KAZN: variants seen among roughly 807,000 people sequenced by gnomAD.
The protein encoded by KAZN is kazrin.
In KAZN, 40 loss-of-function variants were observed where a neutral mutation model predicts 87.4. The ratio of observed to expected loss-of-function variants is 0.46; its 90% confidence interval spans 0.36 to 0.60. The LOEUF is 0.60. KAZN is among the 20% of genes least tolerant of loss of function. The pLI is 0.00. For synonymous variants in KAZN, 466 were observed against 458.3 expected (o/e 1.02, Z -0.22); for missense variants, 898 against 1,073.9 (o/e 0.84, Z 2.29).
At chr1:15,050,159 G>GATAGATAGAATA (rs201481507) in intron 4 of KAZN, among the ~76,000 whole-genome samples, 5,898 of 131,304 alleles carry the variant, frequency 0.045, 241 homozygotes, top group African/African-American at 0.091. Context: ...AGAATAGAAT[G>GATAGATAGAATA]GAATAGAATA....
intron 2 of KAZN, among the ~76,000 whole-genome samples, chr1:14,370,465 C>T (rs1660388243): frequency 6.6e-6 from 1 of 152,184 alleles, no homozygotes. Flanking sequence ...GAACCTCTGC[C>T]ATGGAAGACC....
intron 2 of KAZN, among the ~76,000 whole-genome samples, chr1:14,419,778 C>T (rs1009059776): frequency 1.3e-5 from 2 of 151,908 alleles, no homozygotes; most frequent in Non-Finnish European, 2.9e-5. Flanking sequence ...GTTTGTCCCT[C>T]CCATCCGGAG....
At chr1:14,307,714 A>G (rs111502167) in intron 2 of KAZN, among the ~76,000 whole-genome samples, 2,933 of 152,282 alleles carry the variant, frequency 0.019, 101 homozygotes, top group African/African-American at 0.067. Flanking sequence ...ACAAGCCCTC[A>G]TATACAAAGA....
Position 14,867,020 on chromosome 1 carries a change from G to T in KAZN, c.227-93664G>T, listed in dbSNP as rs111531066. Among the ~76,000 whole-genome samples, 380 of 152,348 alleles carry T rather than the reference G, an allele frequency of 2.5e-3. 2 individuals carry two copies. Among genetic ancestry groups the T allele is most frequent in the African/African-American group, 8.8e-3 (366 of 41,586 alleles). ...GAAAAGAAGCAGGATGCTAAGTGAGGCTGGCCACGCCCCTGCCTCCCTGAT... is the reference window on the plus strand; with the variant it reads ...GAAAAGAAGCAGGATGCTAAGTGAGTCTGGCCACGCCCCTGCCTCCCTGAT... On this transcript the variant is annotated intron_variant, in intron 1 of 14. Transcript: ENST00000376030.
intron 1 of KAZN, among the ~76,000 whole-genome samples, chr1:14,671,776 C>T (rs1639931760): frequency 1.3e-5 from 2 of 152,126 alleles, no homozygotes; most frequent in Admixed American, 6.5e-5. Flanking sequence ...TCTTTTTTAA[C>T]CTCATTTCCA....
intron 1 of KAZN, among the ~76,000 whole-genome samples, chr1:14,937,021 A>AT (rs1467763115): frequency 1.3e-5 from 2 of 151,974 alleles, no homozygotes; most frequent in African/African-American, 4.8e-5. Context: ...CTAAGTCCAC[A>AT]TCCCTCCCCA....
chr1:15,047,737 CT>C (rs1334460659), intron 4 of KAZN, among the ~76,000 whole-genome samples: 1 of 152,112 alleles, frequency 6.6e-6, no homozygotes, highest in Non-Finnish European at 1.5e-5. Context: ...CACCACTGCA[CT>C]CCAGCCTGGG....
chr1:14,348,635 C>T (rs551948943), intron 2 of KAZN, among the ~76,000 whole-genome samples: 214 of 152,220 alleles, frequency 1.4e-3, no homozygotes, highest in African/African-American at 4.7e-3. Context: ...TAGAAAAGAA[C>T]GCGAAGAGGG....
intron 2 of KAZN, among the ~76,000 whole-genome samples, chr1:14,992,140 C>T (rs954395922): frequency 1.3e-5 from 2 of 152,086 alleles, no homozygotes; most frequent in Non-Finnish European, 2.9e-5. Flanking sequence ...TTACCGGGGC[C>T]CCAGCAGAAG....
chr1:14,888,579 A>G (rs1654371565), intron 1 of KAZN, among the ~76,000 whole-genome samples: 1 of 151,814 alleles, frequency 6.6e-6, no homozygotes, highest in Admixed American at 6.6e-5. Context: ...AATTCACGCA[A>G]ATATAGCTTT....
intron 1 of KAZN, among the ~76,000 whole-genome samples, chr1:14,713,121 G>C (rs777904941): frequency 1.3e-5 from 2 of 152,168 alleles, no homozygotes; most frequent in African/African-American, 4.8e-5. Flanking sequence ...CTGGCTACCT[G>C]CTGGGGTGAC....
chr1:14,491,879 A>T (rs1669667079), intron 2 of KAZN, among the ~76,000 whole-genome samples: 1 of 152,292 alleles, frequency 6.6e-6, no homozygotes, highest in South Asian at 2.1e-4. Flanking sequence ...TTTTAAAAAG[A>T]AAAAAATCTT....
At chr1:14,993,964 G>A (rs939794319) in intron 2 of KAZN, among the ~76,000 whole-genome samples, 1 of 152,182 alleles carries the variant, frequency 6.6e-6, no homozygotes, top group African/African-American at 2.4e-5. Flanking sequence ...GGGGACTTCT[G>A]GGTGTGTTTG....
intron 2 of KAZN, among the ~76,000 whole-genome samples, chr1:14,434,703 G>A (rs566680637): frequency 1.3e-4 from 20 of 152,240 alleles, no homozygotes; most frequent in African/African-American, 4.6e-4. Flanking sequence ...CTCAGTCCAC[G>A]GAGCAGGGTG....
chr1:14,206,271 T>C (rs965255814), intron 2 of KAZN, among the ~76,000 whole-genome samples: 5 of 152,220 alleles, frequency 3.3e-5, no homozygotes, highest in African/African-American at 1.2e-4. Context: ...CTTTTCTGAT[T>C]TTTTAAAAAA....
At chr1:14,967,471 TC>T (rs1273871274) in intron 2 of KAZN, among the ~76,000 whole-genome samples, 1 of 152,128 alleles carries the variant, frequency 6.6e-6, no homozygotes, top group Non-Finnish European at 1.5e-5. Flanking sequence ...TGTCCCCCTC[TC>T]CCAAAGATGT....
intron 13 of KAZN, among the ~76,000 whole-genome samples, chr1:15,105,974 A>G (rs1641281844): frequency 1.3e-5 from 2 of 152,156 alleles, no homozygotes; most frequent in South Asian, 2.1e-4. Flanking sequence ...TACAGAGACA[A>G]TGTTTGATAA....
chr1:14,137,214 C>T (rs1645126603), intron 1 of KAZN, among the ~76,000 whole-genome samples: 1 of 152,198 alleles, frequency 6.6e-6, no homozygotes, highest in Admixed American at 6.5e-5. Flanking sequence ...GGATCATTCA[C>T]ACCAGAGGTG....
chr1:15,098,800 C>T (rs1432756967), intron 10 of KAZN, among the ~76,000 whole-genome samples: 2 of 152,234 alleles, frequency 1.3e-5, no homozygotes, highest in African/African-American at 4.8e-5. Context: ...GGGCAGATGA[C>T]CCGCTCACCC....
Sources: allele counts gnomAD v4.1 joint callset (sites outside exome capture counted in the v4.1 genomes callset), GRCh38; gene constraint gnomAD v4.1.1; transcripts MANE v1.5; gene names NCBI Gene and HGNC (gene_info 2026-07-23, HGNC 2026-07-21).